Variants in ZNF33B observed in about 807,000 individuals in gnomAD.
ZNF33B encodes the protein zinc finger protein 33B.
A neutral mutation model predicts 45.8 loss-of-function variants in ZNF33B; 29 were observed. The observed-to-expected ratio is 0.63, with a 90% CI of 0.47 to 0.86. The LOEUF (loss-of-function observed/expected upper bound fraction) is 0.86, where lower values mean the gene tolerates loss of function less well. ZNF33B is among the 40% of genes least tolerant of loss of function. The pLI, the probability that ZNF33B is intolerant of heterozygous loss-of-function variation, is 0.00. For missense variants in ZNF33B, 831 were observed against 909.9 expected (o/e 0.91, Z 1.12); for synonymous variants, 305 against 307.8 (o/e 0.99, Z 0.10).
rs1837068161 is a variant in ZNF33B, at chr10:42,590,354, T to C, written c.*2259A>G. The C allele has an allele frequency of 6.6e-6, 1 of 152,140 alleles. No individual in the cohort carries two copies. Among genetic ancestry groups the C allele is most frequent in the African/African-American group, 2.4e-5 (1 of 41,438 alleles). 9.4% of individuals were successfully genotyped at this position (152,140 alleles called of 1,614,324 possible). A position where few individuals can be genotyped will look rare whatever the true frequency, so the allele number is the denominator to read the frequency against. ...CGAAAAATGCACATCAGTGAATCCA[T>C]TTGGTCCCGGCACTTTTTTTGGAAG... On this transcript the variant is annotated 3_prime_UTR_variant, in exon 5 of 5. Transcript: ENST00000359467.
At chr10:42,622,668 G>C (rs189077707) in intron 4 of ZNF33B, among the ~76,000 whole-genome samples, 34 of 152,292 alleles carry the variant, frequency 2.2e-4, no homozygotes, top group Non-Finnish European at 2.2e-4. Context: ...AGACAAAATA[G>C]ATTAGAGGTT....
intron 4 of ZNF33B, among the ~76,000 whole-genome samples, chr10:42,598,911 T>G (rs1418426959): frequency 6.6e-6 from 1 of 152,206 alleles, no homozygotes; most frequent in Non-Finnish European, 1.5e-5. Context: ...AAGAATGATT[T>G]AGGAAGTATT....
chr10:42,611,040 T>TA (rs1451215984), intron 4 of ZNF33B, among the ~76,000 whole-genome samples: 2 of 152,128 alleles, frequency 1.3e-5, no homozygotes, highest in Non-Finnish European at 2.9e-5. Context: ...CAAGAAAACT[T>TA]AATGCTGAAA....
At chr10:42,614,934 C>T (rs1398238200) in intron 4 of ZNF33B, among the ~76,000 whole-genome samples, 1 of 151,270 alleles carries the variant, frequency 6.6e-6, no homozygotes, top group Non-Finnish European at 1.5e-5. Flanking sequence ...GCCTGGGCAA[C>T]AGAGCGAGAT....
At chr10:42,609,717 T>TG (rs1157573668) in intron 4 of ZNF33B, among the ~76,000 whole-genome samples, 1 of 152,138 alleles carries the variant, frequency 6.6e-6, no homozygotes, top group African/African-American at 2.4e-5. Flanking sequence ...TTACATACAA[T>TG]GATCAAAGGG....
chr10:42,576,934 A>T (rs528416591), intron 1 of ZNF33B, among the ~76,000 whole-genome samples: 1 of 152,148 alleles, frequency 6.6e-6, no homozygotes, highest in South Asian at 2.1e-4. Flanking sequence ...GGAGTTTGAG[A>T]CCAGCCTGAC....
chr10:42,583,102 A>G (rs749264927), intron 1 of ZNF33B: 3 of 797,322 alleles, frequency 3.8e-6, no homozygotes, highest in Non-Finnish European at 6.7e-6. Flanking sequence ...GTCCAGGATC[A>G]GTGCATGAAC....
At chr10:42,578,913 G>A (rs1175107673) in intron 1 of ZNF33B, among the ~76,000 whole-genome samples, 2 of 152,188 alleles carry the variant, frequency 1.3e-5, no homozygotes, top group African/African-American at 2.4e-5. Context: ...TGTTCCTGTT[G>A]TTTCCTTTTC....
intron 4 of ZNF33B, among the ~76,000 whole-genome samples, chr10:42,621,225 A>C (rs565128984): frequency 6.6e-6 from 1 of 151,836 alleles, no homozygotes; most frequent in African/African-American, 2.4e-5. Context: ...TAGCCCCCTC[A>C]GGAGGATGAG....
In ZNF33B at chr10:42,638,536, C is replaced by G. The variant is rs761030621; in HGVS notation, c.-107G>C. ...CCGGTAGACCCCTGAAATCCCGGGA[C>G]CGCCTCCCACGCAAAACGTGAGACA... is the stretch of plus-strand genomic sequence containing the variant. On this transcript the variant is annotated 5_prime_UTR_variant, in exon 1 of 5. Coordinates refer to ENST00000359467, the MANE Select transcript of ZNF33B (RefSeq NM_006955.3). The G allele has an allele frequency of 5.2e-5, 25 of 480,912 alleles. No homozygotes were observed. Among genetic ancestry groups the G allele is most frequent in the Non-Finnish European group, 1.0e-4 (24 of 241,122 alleles). 29.8% of individuals were successfully genotyped at this position (480,912 alleles called of 1,614,324 possible). A position where few individuals can be genotyped will look rare whatever the true frequency, so the allele number is the denominator to read the frequency against.
At position 42,638,477 on chromosome 10, in the gene ZNF33B, ACTCT is replaced by A. The variant is rs988021059; in HGVS notation, c.-52_-49del. ...TGCCCAACCCGCGGAGGCTTACCTC[ACTCT>A]CTCTTCGGGTTGCATTCGCCATAAG... On this transcript the variant is annotated 5_prime_UTR_variant, in exon 1 of 5. The change creates a premature stop within an existing upstream ORF in the 5' untranslated region. Transcript: ENST00000359467. 15 of 435,556 alleles carry A rather than the reference ACTCT, an allele frequency of 3.4e-5. No individual in the cohort carries two copies. Among genetic ancestry groups the A allele is most frequent in the African/African-American group, 2.7e-4 (13 of 48,654 alleles). 27.0% of individuals were successfully genotyped at this position (435,556 alleles called of 1,614,324 possible). A position where few individuals can be genotyped will look rare whatever the true frequency, so the allele number is the denominator to read the frequency against.
At chr10:42,586,361 G>A (rs1836936196), downstream of ZNF33B, among the ~76,000 whole-genome samples, 1 of 152,092 alleles carries the variant, frequency 6.6e-6, no homozygotes, top group Non-Finnish European at 1.5e-5. Context: ...GTGTTAGCCA[G>A]GATGGTCTCG....
chr10:42,585,766 T>C (rs561700775), downstream of ZNF33B, among the ~76,000 whole-genome samples: 1 of 152,338 alleles, frequency 6.6e-6, no homozygotes, highest in African/African-American at 2.4e-5. Context: ...CTTTTTGTTA[T>C]AAATAAATTT....
intron 4 of ZNF33B, among the ~76,000 whole-genome samples, chr10:42,617,881 A>T (rs1838395866): frequency 6.6e-6 from 1 of 152,246 alleles, no homozygotes; most frequent in Non-Finnish European, 1.5e-5. Context: ...CTTACCCTAC[A>T]TTTGGGCAAG....
At chr10:42,626,911 C>A (rs1302481922) in intron 4 of ZNF33B, among the ~76,000 whole-genome samples, 1 of 151,834 alleles carries the variant, frequency 6.6e-6, no homozygotes, top group Admixed American at 6.6e-5. Context: ...TTTATGAAAA[C>A]CTATGGGTCA....
chr10:42,635,401 G>T (rs1457919695), intron 2 of ZNF33B, among the ~76,000 whole-genome samples: 2 of 151,986 alleles, frequency 1.3e-5, no homozygotes, highest in Non-Finnish European at 2.9e-5. Context: ...GACGGCAGCT[G>T]CAGGAGGGCT....
chr10:42,636,868 A>G, intron 2 of ZNF33B, 52 bp downstream of exon 2: 1 of 1,612,714 alleles, frequency 6.2e-7, no homozygotes. Flanking sequence ...GACTCTTACA[A>G]ATCTCACAAA....
At chr10:42,605,485 G>A (rs541019836) in intron 4 of ZNF33B, among the ~76,000 whole-genome samples, 30 of 152,076 alleles carry the variant, frequency 2.0e-4, no homozygotes, top group African/African-American at 7.2e-4. Flanking sequence ...TAAAATAGCA[G>A]AACTATTTGC....
intron 2 of ZNF33B, among the ~76,000 whole-genome samples, 187 bp from the exon 3 acceptor site, chr10:42,632,626 T>A (rs559314983): frequency 1.6e-4 from 24 of 152,358 alleles, no homozygotes; most frequent in African/African-American, 5.8e-4. Flanking sequence ...TCCCACAATG[T>A]ACCTGGAACT....
Sources: allele counts gnomAD v4.1 joint callset (sites outside exome capture counted in the v4.1 genomes callset), GRCh38; gene constraint gnomAD v4.1.1; transcripts MANE v1.5; gene names NCBI Gene and HGNC (gene_info 2026-07-23, HGNC 2026-07-21).